The following EPS8 variants were observed in gnomAD, a reference collection of about 807,000 sequenced individuals.
The protein encoded by EPS8 is EGFR pathway substrate 8, signaling adaptor.
A neutral mutation model predicts 103.8 loss-of-function variants in EPS8; 42 were observed. That is an observed-to-expected ratio of 0.40 (90% CI 0.32 to 0.52). EPS8 has a LOEUF of 0.52. Ranked by LOEUF, EPS8 falls within the 20% of genes least tolerant of loss-of-function variation. EPS8 has a pLI of 0.40. For missense variants in EPS8, 969 were observed against 1,005.1 expected (o/e 0.96, Z 0.49); for synonymous variants, 344 against 344.6 (o/e 1.00, Z 0.02).
In EPS8 at chr12:15,769,683, C is replaced by T. The variant is rs1414364723; in HGVS notation, c.-22+19478G>A. Among the ~76,000 whole-genome samples, 1 of 152,102 alleles carries T rather than the reference C, an allele frequency of 6.6e-6. No homozygotes were observed. The highest frequency in any genetic ancestry group is 2.4e-5 in the African/African-American group (1 of 41,418). On this transcript the variant is annotated intron_variant, in intron 1 of 20. Transcript: ENST00000281172. The surrounding 1 kb of genome is among the most constrained non-coding windows in gnomAD (Gnocchi z 4.6). ...ATATTCAAGACTCTATTGAATTTCT[C>T]CCCAAACAATGAACATCTCTATATA... is the stretch of plus-strand genomic sequence containing the variant.
At chr12:15,726,163 A>T (rs974766880) in intron 1 of EPS8, among the ~76,000 whole-genome samples, 3 of 152,178 alleles carry the variant, frequency 2.0e-5, no homozygotes, top group African/African-American at 4.8e-5. Context: ...ATTTCACAAG[A>T]GAAATTAAAG....
intron 1 of EPS8, among the ~76,000 whole-genome samples, chr12:15,758,198 C>T (rs1176088973): frequency 6.6e-6 from 1 of 152,112 alleles, no homozygotes; most frequent in Non-Finnish European, 1.5e-5. Context: ...AGCAAAGACC[C>T]CACCTCTCAG....
intron 1 of EPS8, among the ~76,000 whole-genome samples, chr12:15,783,075 A>G (rs559344740): frequency 5.3e-5 from 8 of 152,330 alleles, no homozygotes; most frequent in East Asian, 3.9e-4. Context: ...TATGAGAGAT[A>G]AAGTTGAATT....
At chr12:15,624,204 A>G (rs775727263) in intron 19 of EPS8, 23 bp downstream of exon 19, 9 of 1,600,164 alleles carry the variant, frequency 5.6e-6, no homozygotes, top group African/African-American at 2.7e-5. Flanking sequence ...ACAGAATTGC[A>G]AAGTATTCAC....
At chr12:15,629,180 C>T (rs1162507688) in intron 18 of EPS8, among the ~76,000 whole-genome samples, 1 of 152,138 alleles carries the variant, frequency 6.6e-6, no homozygotes, top group Non-Finnish European at 1.5e-5. Context: ...TGATGAGTCA[C>T]AATTATCAGG....
intron 3 of EPS8, among the ~76,000 whole-genome samples, chr12:15,678,611 G>A (rs1185827047): frequency 4.6e-5 from 7 of 152,080 alleles, no homozygotes. Flanking sequence ...TGCTTTATAT[G>A]TAAAAGGGGG....
Position 15,642,451 on chromosome 12 carries a change from T to C in EPS8, c.1569-621A>G, listed in dbSNP as rs139074082. On this transcript the variant is annotated intron_variant, in intron 15 of 20. Coordinates refer to ENST00000281172, the MANE Select transcript of EPS8 (RefSeq NM_004447.6). ...TCACTATAAACTTTTAAAAAGTGTA[T>C]GGGCCTCATTTTTTTAAAATAAAAC... Among the ~76,000 whole-genome samples the C allele has an allele frequency of 8.7e-3, 1,321 of 152,220 alleles. 19 individuals carry two copies. Among genetic ancestry groups the C allele is most frequent in the African/African-American group, 0.03 (1,245 of 41,570 alleles).
At position 15,757,636 on chromosome 12, in the gene EPS8, A is replaced by G. The variant is rs572485586; in HGVS notation, c.-22+31525T>C. Among the ~76,000 whole-genome samples the G allele has an allele frequency of 1.9e-4, 29 of 152,178 alleles. 1 individual carries two copies. In the South Asian group the frequency reaches 5.8e-3, roughly 31 times the overall value. Reference sequence around the variant, plus strand: ...AGAGCGAGACTCCGTCTGAAGAAAAAAAAAAGAAAAAGAAAAAGAAAAAGA... The same window carrying G: ...AGAGCGAGACTCCGTCTGAAGAAAAGAAAAAGAAAAAGAAAAAGAAAAAGA... On this transcript the variant is annotated intron_variant, in intron 1 of 20. Coordinates refer to ENST00000281172, the MANE Select transcript of EPS8 (RefSeq NM_004447.6). The surrounding 1 kb of genome is among the most constrained non-coding windows in gnomAD (Gnocchi z 4.1).
chr12:15,779,341 T>A lies in EPS8; in HGVS notation c.-22+9820A>T, dbSNP rs1483795753. 1.3e-5 allele frequency among the ~76,000 whole-genome samples: 2 copies of A among 152,216 alleles called. No individual in the cohort carries two copies. The highest frequency in any genetic ancestry group is 4.8e-5 in the African/African-American group (2 of 41,456). Reference sequence around the variant, plus strand: ...TATCTTCTATCTCTATCATCAAAAGTATATCTTTCTTTAAATTCTAAAAGA... The same window carrying A: ...TATCTTCTATCTCTATCATCAAAAGAATATCTTTCTTTAAATTCTAAAAGA... On this transcript the variant is annotated intron_variant, in intron 1 of 20. Coordinates refer to ENST00000281172, the MANE Select transcript of EPS8 (RefSeq NM_004447.6). This position sits in a 1 kb window ranked among gnomAD's most constrained non-coding sequence, Gnocchi z 4.3.
At position 15,713,725 on chromosome 12, in the gene EPS8, T is replaced by C. The variant is rs1409295729; in HGVS notation, c.-21-30753A>G. ...TGAGATTCTTCCAGAAAACCAGGGC[T>C]GTCTTCAAAGGTCTATCCTCATAGT... is the stretch of plus-strand genomic sequence containing the variant. On this transcript the variant is annotated intron_variant, in intron 1 of 20. Transcript: ENST00000281172. This position sits in a 1 kb window ranked among gnomAD's most constrained non-coding sequence, Gnocchi z 4.8. Among the ~76,000 whole-genome samples the C allele has an allele frequency of 1.3e-5, 2 of 152,218 alleles. No homozygotes were observed.
Position 15,748,909 on chromosome 12 carries a change from C to T in EPS8, c.-22+40252G>A, listed in dbSNP as rs557318161. On this transcript the variant is annotated intron_variant, in intron 1 of 20. Transcript: ENST00000281172. The surrounding 1 kb of genome is among the most constrained non-coding windows in gnomAD (Gnocchi z 4.8). Reference sequence around the variant, plus strand: ...ACACTTGCTAATCCAGAATATAAAACGTATAGTCTTCTCTTCCTTTCATAC... The same window carrying T: ...ACACTTGCTAATCCAGAATATAAAATGTATAGTCTTCTCTTCCTTTCATAC... Among the ~76,000 whole-genome samples, 30 of 152,258 alleles carry T rather than the reference C, an allele frequency of 2.0e-4. No individual in the cohort carries two copies. Among genetic ancestry groups the T allele is most frequent in the Non-Finnish European group, 1.2e-4 (8 of 68,014 alleles).
chr12:15,749,865 A>G lies in EPS8; in HGVS notation c.-22+39296T>C, dbSNP rs1946913244. Among the ~76,000 whole-genome samples, 1 of 152,220 alleles carries G rather than the reference A, an allele frequency of 6.6e-6. No homozygotes were observed. Among genetic ancestry groups the G allele is most frequent in the Non-Finnish European group, 1.5e-5 (1 of 68,042 alleles). On this transcript the variant is annotated intron_variant, in intron 1 of 20. Coordinates refer to ENST00000281172, the MANE Select transcript of EPS8 (RefSeq NM_004447.6). This position sits in a 1 kb window ranked among gnomAD's most constrained non-coding sequence, Gnocchi z 4.0. ...CCCAAAATAAATCAGTTCCTTATGTAAACAAAATCTAGTAGACTATAGTAA... is the reference window on the plus strand; with the variant it reads ...CCCAAAATAAATCAGTTCCTTATGTGAACAAAATCTAGTAGACTATAGTAA...
rs1946296227 is a variant in EPS8 at position 15,700,295 on chromosome 12, T to A, written c.-21-17323A>T. Among the ~76,000 whole-genome samples, 1 of 152,222 alleles carries A rather than the reference T, an allele frequency of 6.6e-6. No individual in the cohort carries two copies. Among genetic ancestry groups the A allele is most frequent in the African/African-American group, 2.4e-5 (1 of 41,460 alleles). On this transcript the variant is annotated intron_variant, in intron 1 of 20. Coordinates refer to ENST00000281172, the MANE Select transcript of EPS8 (RefSeq NM_004447.6). This position sits in a 1 kb window ranked among gnomAD's most constrained non-coding sequence, Gnocchi z 5.1. ...CCACTCTAACGTATTCTTTTCTATC[T>A]TCTAAACAATTCTGAGGTGTGGCAA...
chr12:15,648,640 A>G (rs1945360794), intron 14 of EPS8, among the ~76,000 whole-genome samples: 1 of 152,234 alleles, frequency 6.6e-6, no homozygotes, highest in Non-Finnish European at 1.5e-5. Context: ...AGGCTGTTCT[A>G]AAGAGGGGAG....
chr12:15,701,337 C>T lies in EPS8; in HGVS notation c.-21-18365G>A, dbSNP rs1241216642. Among the ~76,000 whole-genome samples, 1 of 152,170 alleles carries T rather than the reference C, an allele frequency of 6.6e-6. No homozygotes were observed. Among genetic ancestry groups the T allele is most frequent in the Non-Finnish European group, 1.5e-5 (1 of 68,042 alleles). On this transcript the variant is annotated intron_variant, in intron 1 of 20. Coordinates refer to ENST00000281172, the MANE Select transcript of EPS8 (RefSeq NM_004447.6). The surrounding 1 kb of genome is among the most constrained non-coding windows in gnomAD (Gnocchi z 5.1). ...ATGAGGAAACTGGGGCACAGAAGTG[C>T]CTTGCTCAGTATCACAGTTAGTACA...
intron 12 of EPS8, among the ~76,000 whole-genome samples, chr12:15,654,954 G>C (rs1945481479): frequency 6.6e-6 from 1 of 152,150 alleles, no homozygotes; most frequent in African/African-American, 2.4e-5. Flanking sequence ...TTCAAAAACT[G>C]CTCTAAATTT....
At chr12:15,654,428 G>A (rs1945472281) in intron 12 of EPS8, 135 bp from the exon 13 acceptor site, 2 of 782,882 alleles carry the variant, frequency 2.6e-6, no homozygotes, top group Non-Finnish European at 4.2e-6. Context: ...TGTGCAATGT[G>A]CTACTGAATG....
intron 10 of EPS8, among the ~76,000 whole-genome samples, chr12:15,659,218 A>T (rs1381187714): frequency 6.6e-6 from 1 of 152,174 alleles, no homozygotes; most frequent in Non-Finnish European, 1.5e-5. Context: ...GAACAGTTGT[A>T]CTTAAATCAA....
At position 15,706,325 on chromosome 12, in the gene EPS8, G is replaced by C. The variant is rs1946386512; in HGVS notation, c.-21-23353C>G. 6.6e-6 allele frequency among the ~76,000 whole-genome samples: 1 copy of C among 152,200 alleles called. No homozygotes were observed. Among genetic ancestry groups the C allele is most frequent in the Non-Finnish European group, 1.5e-5 (1 of 68,036 alleles). On this transcript the variant is annotated intron_variant, in intron 1 of 20. Transcript: ENST00000281172. This position sits in a 1 kb window ranked among gnomAD's most constrained non-coding sequence, Gnocchi z 5.2. ...TGGGATTCAAAAGGCAAGGCGGGAA[G>C]CACTGCAGCATTGACAATGCCAAGT... is the stretch of plus-strand genomic sequence containing the variant.
Sources: allele counts gnomAD v4.1 joint callset (sites outside exome capture counted in the v4.1 genomes callset), GRCh38; gene constraint gnomAD v4.1.1; non-coding constraint Gnocchi (gnomAD v3.1); transcripts MANE v1.5; gene names NCBI Gene and HGNC (gene_info 2026-07-23, HGNC 2026-07-21).